Variants in SYT2 observed in about 807,000 individuals in gnomAD.
SYT2 encodes synaptotagmin 2.
In SYT2, 15 loss-of-function variants were observed where a neutral mutation model predicts 39.9. That is an observed-to-expected ratio of 0.38 (90% CI 0.25 to 0.58). The LOEUF (loss-of-function observed/expected upper bound fraction) is 0.58. SYT2 is among the 20% of genes least tolerant of loss of function. The pLI is 0.70. For synonymous variants in SYT2, 181 were observed against 204.5 expected, an observed-to-expected ratio of 0.89 and a Z score of 0.98; for missense variants, 389 against 530.3, an observed-to-expected ratio of 0.73 and a Z score of 2.62.
intron 1 of SYT2, among the ~76,000 whole-genome samples, chr1:202,687,141 G>A (rs968887293): frequency 3.3e-5 from 5 of 152,130 alleles, no homozygotes. Flanking sequence ...CTCCCAGTGT[G>A]TACTCCACCA....
Position 202,592,791 on chromosome 1 carries a change from A to AG in SYT2, c.*3965dup, listed in dbSNP as rs1357003611. On this transcript the variant is annotated 3_prime_UTR_variant, in exon 9 of 9. Coordinates refer to ENST00000367268, the MANE Select transcript of SYT2 (RefSeq NM_177402.5). ...CCTGGCCCCTTGGGACCAAAGGGAGAGGGGGAAAAGTCATAGGGTAGGGTT... is the reference window on the plus strand; with the variant it reads ...CCTGGCCCCTTGGGACCAAAGGGAGAGGGGGGAAAAGTCATAGGGTAGGGTT... The AG allele has an allele frequency of 1.3e-5, 2 of 152,142 alleles. No individual in the cohort carries two copies. Among genetic ancestry groups the AG allele is most frequent in the East Asian group, 1.9e-4 (1 of 5,196 alleles). 9.4% of individuals were successfully genotyped at this position (152,142 alleles called of 1,614,324 possible). A position where few individuals can be genotyped will look rare whatever the true frequency, so the allele number is the denominator to read the frequency against.
intron 1 of SYT2, among the ~76,000 whole-genome samples, chr1:202,652,644 A>G (rs1692213623): frequency 6.6e-6 from 1 of 152,168 alleles, no homozygotes; most frequent in African/African-American, 2.4e-5. Flanking sequence ...AAAGGTGCCC[A>G]GCCCCATCTC....
chr1:202,684,422 C>T (rs962271428), intron 1 of SYT2, among the ~76,000 whole-genome samples: 1 of 151,736 alleles, frequency 6.6e-6, no homozygotes, highest in Admixed American at 6.6e-5. Context: ...TTTCAGTTAA[C>T]ATAATGTCCT....
intron 1 of SYT2, among the ~76,000 whole-genome samples, chr1:202,667,466 CGTGT>C (rs35072265): frequency 0.04 from 5,624 of 140,708 alleles, 127 homozygotes; most frequent in African/African-American, 0.068. Flanking sequence ...AGTGACCAGC[CGTGT>C]GTGTGTGTGT....
chr1:202,637,325 C>T (rs185840926), intron 1 of SYT2, among the ~76,000 whole-genome samples: 1 of 152,310 alleles, frequency 6.6e-6, no homozygotes, highest in East Asian at 1.9e-4. Context: ...GCACTCCAGC[C>T]TGGGCGACAG....
intron 1 of SYT2, among the ~76,000 whole-genome samples, chr1:202,639,023 C>CCAA (rs1691826548): frequency 6.6e-6 from 1 of 152,200 alleles, no homozygotes; most frequent in African/African-American, 2.4e-5. Context: ...TCTGTCCTCC[C>CCAA]TCCCTTCCCC....
intron 1 of SYT2, among the ~76,000 whole-genome samples, chr1:202,693,933 A>C (rs1260671264): frequency 1.3e-5 from 2 of 152,340 alleles, no homozygotes; most frequent in East Asian, 3.9e-4. Flanking sequence ...AAAGGTGGAA[A>C]GGCAAGCAGG....
chr1:202,687,461 G>A (rs951354190), intron 1 of SYT2, among the ~76,000 whole-genome samples: 7 of 152,070 alleles, frequency 4.6e-5, no homozygotes, highest in Admixed American at 2.6e-4. Context: ...CTTCCTCCCC[G>A]CAGAACCTAG....
Position 202,596,575 on chromosome 1 carries a change from C to G in SYT2, c.*182G>C, listed in dbSNP as rs1690304025. ...CTTCTCTTTCACCTCTTAGGGGACT[C>G]TCCTCACACAGCCATCAAAGGGAAG... On this transcript the variant is annotated 3_prime_UTR_variant, in exon 9 of 9. Transcript: ENST00000367268. 1.6e-6 allele frequency: 1 copy of G among 615,004 alleles called. No homozygotes were observed. The highest frequency in any genetic ancestry group is 2.8e-6 in the Non-Finnish European group (1 of 357,544). 38.1% of individuals were successfully genotyped at this position (615,004 alleles called of 1,614,324 possible).
intron 1 of SYT2, among the ~76,000 whole-genome samples, chr1:202,656,352 T>C (rs1692277034): frequency 1.3e-5 from 2 of 152,168 alleles, no homozygotes; most frequent in South Asian, 4.1e-4. Flanking sequence ...TCGGCTCCCC[T>C]ATCTTCTTGA....
intron 1 of SYT2, among the ~76,000 whole-genome samples, chr1:202,672,940 G>GA (rs1196991474): frequency 6.6e-6 from 1 of 151,656 alleles, no homozygotes; most frequent in Non-Finnish European, 1.5e-5. Context: ...GAAAACTGCA[G>GA]AAAACTAAAG....
chr1:202,661,059 G>A (rs1382335919), intron 1 of SYT2, among the ~76,000 whole-genome samples: 1 of 152,034 alleles, frequency 6.6e-6, no homozygotes, highest in Non-Finnish European at 1.5e-5. Flanking sequence ...CAGGTGCTGG[G>A]GACAGAGCAC....
intron 1 of SYT2, among the ~76,000 whole-genome samples, chr1:202,673,867 A>T (rs1215459695): frequency 6.6e-6 from 1 of 152,254 alleles, no homozygotes; most frequent in African/African-American, 2.4e-5. Context: ...CAGAGTTCTG[A>T]TCTCATTTGC....
At chr1:202,626,223 C>T (rs540210532) in intron 1 of SYT2, among the ~76,000 whole-genome samples, 98 of 152,016 alleles carry the variant, frequency 6.4e-4, no homozygotes, top group African/African-American at 2.2e-3. Context: ...TTGGAAGAGA[C>T]CACAGGGTCA....
chr1:202,619,162 G>A (rs1165234761), intron 1 of SYT2, among the ~76,000 whole-genome samples: 1 of 152,208 alleles, frequency 6.6e-6, no homozygotes, highest in Non-Finnish European at 1.5e-5. Flanking sequence ...CCAAATTATC[G>A]GGAACTCACA....
chr1:202,615,935 G>A (rs144708827), intron 1 of SYT2, among the ~76,000 whole-genome samples: 2,182 of 152,206 alleles, frequency 0.014, 21 homozygotes, highest in South Asian at 0.038. Context: ...CTGGCAAAGC[G>A]CCAGCCCTGG....
Position 202,591,275 on chromosome 1 carries a change from C to A in SYT2, c.*5482G>T. On this transcript the variant is annotated 3_prime_UTR_variant, in exon 9 of 9. Coordinates refer to ENST00000367268, the MANE Select transcript of SYT2 (RefSeq NM_177402.5). ...TCTGGCCTCCTCGAATGCGCCCTGCCTGATTCCCTTCCCGTTCTCTCTCCT... is the reference window on the plus strand; with the variant it reads ...TCTGGCCTCCTCGAATGCGCCCTGCATGATTCCCTTCCCGTTCTCTCTCCT... The A allele has an allele frequency of 6.5e-6, 1 of 153,172 alleles. No homozygotes were observed. Among genetic ancestry groups the A allele is most frequent in the Non-Finnish European group, 1.5e-5 (1 of 68,730 alleles). 9.5% of individuals were successfully genotyped at this position (153,172 alleles called of 1,614,324 possible). A position where few individuals can be genotyped will look rare whatever the true frequency, so the allele number is the denominator to read the frequency against.
At chr1:202,656,058 G>A (rs958793994) in intron 1 of SYT2, among the ~76,000 whole-genome samples, 4 of 152,176 alleles carry the variant, frequency 2.6e-5, no homozygotes, top group Admixed American at 6.5e-5. Flanking sequence ...GGTGAACAGC[G>A]GGCCGTGCCT....
intron 1 of SYT2, among the ~76,000 whole-genome samples, chr1:202,684,136 G>A (rs184308155): frequency 2.5e-4 from 38 of 152,176 alleles, no homozygotes; most frequent in African/African-American, 8.7e-4. Context: ...CATTACTACA[G>A]GTAAGCAGAT....
Sources: allele counts gnomAD v4.1 joint callset (sites outside exome capture counted in the v4.1 genomes callset), GRCh38; gene constraint gnomAD v4.1.1; transcripts MANE v1.5; gene names NCBI Gene and HGNC (gene_info 2026-07-23, HGNC 2026-07-21).